NEK9: variants seen among roughly 807,000 people sequenced by gnomAD.
NEK9 encodes NIMA related kinase 9, also known as serine/threonine-protein kinase Nek9.
In NEK9, 75 loss-of-function variants were observed where a neutral mutation model predicts 123.4. The observed-to-expected ratio is 0.61, with a 90% confidence interval of 0.50 to 0.74. NEK9 has a LOEUF of 0.74. Among genes scored for constraint, NEK9 ranks in the 30% least tolerant of loss-of-function variants. NEK9 has a pLI of 0.00. For missense variants in NEK9, 952 were observed against 1,214.4 expected, an observed-to-expected ratio of 0.78 and a Z score of 3.21; for synonymous variants, 438 against 458.7, an observed-to-expected ratio of 0.95 and a Z score of 0.58.
In NEK9 at chr14:75,107,344, A is replaced by G. The variant is rs143529818; in HGVS notation, c.1326T>C (p.Thr442=). The G allele has an allele frequency of 2.9e-4, 462 of 1,611,898 alleles. No homozygotes were observed. The highest frequency in any genetic ancestry group is 5.0e-4 in the Middle Eastern group (3 of 6,056). ...SCGDDFTVCV[T]DEGQLYAFGS... ...AGACACTTTCTGCTGATGGCTTACC[A>G]GTCACACAGACAGTGAAATCATCAC... The change falls in exon 11 of 22, where the codon ACT becomes ACC. Residue 442 remains threonine (T), a splice_region_variant and synonymous_variant. Transcript: ENST00000238616.
chr14:75,084,651 C>T lies in NEK9; in HGVS notation c.2853G>A (p.Lys951=), dbSNP rs1353443001. The T allele has an allele frequency of 3.1e-6, 5 of 1,614,168 alleles. No individual in the cohort carries two copies. Among genetic ancestry groups the T allele is most frequent in the Non-Finnish European group, 4.2e-6 (5 of 1,180,018 alleles). Residue 951 remains lysine, a synonymous_variant, in exon 22 of 22, where the codon AAG becomes AAA. Transcript: ENST00000238616. ...GMHSKGTQTA[K]EEMEMDPKPD... ...GCTTTGGATCCATTTCCATCTCTTC[C>T]TTTGCTGTCTGAGTTCCTTTGGAAT...
intron 8 of NEK9, among the ~76,000 whole-genome samples, chr14:75,113,111 A>G (rs1297722761): frequency 6.6e-6 from 1 of 152,194 alleles, no homozygotes; most frequent in East Asian, 1.9e-4. Flanking sequence ...TGGGTTGGGG[A>G]GTGAAGGGCT....
chr14:75,088,952 G>C (rs1261852565), intron 19 of NEK9, among the ~76,000 whole-genome samples: 1 of 152,356 alleles, frequency 6.6e-6, no homozygotes, highest in Admixed American at 6.5e-5. Context: ...GAGGCTGGCT[G>C]CAACACTGCT....
At chr14:75,120,954 C>G in intron 3 of NEK9, 165 bp downstream of exon 3, 1 of 708,644 alleles carries the variant, frequency 1.4e-6, no homozygotes, top group East Asian at 2.7e-5. Context: ...CAGCTATAGA[C>G]AGCTTCCTTG....
chr14:75,126,685 G>A lies in NEK9; in HGVS notation c.219+18C>T, dbSNP rs1328713429. ...CCCGACAGCGCCAGACAGGGCGGCC[G>A]GCGCCGAGGGCCGCTACCTCGGTGC... On this transcript the variant is annotated intron_variant, in intron 1 of 21. Transcript: ENST00000238616. 2.9e-6 allele frequency: 4 copies of A among 1,395,774 alleles called. No individual in the cohort carries two copies. The highest frequency in any genetic ancestry group is 3.1e-5 in the African/African-American group (2 of 65,384). The allele number at this position is 1,395,774 out of a possible 1,614,324, so 86.5% of individuals were successfully genotyped here.
At chr14:75,103,240 T>A (rs1014674767) in intron 14 of NEK9, among the ~76,000 whole-genome samples, 1 of 151,208 alleles carries the variant, frequency 6.6e-6, no homozygotes, top group Non-Finnish European at 1.5e-5. Flanking sequence ...GTGAATTTGC[T>A]AACATTTTTG....
intron 18 of NEK9, among the ~76,000 whole-genome samples, chr14:75,091,953 G>A (rs1221291845): frequency 1.3e-5 from 2 of 151,998 alleles, no homozygotes; most frequent in Non-Finnish European, 2.9e-5. Flanking sequence ...CCCTGTCCGG[G>A]GAAAATCTGA....
At position 75,124,143 on chromosome 14, in the gene NEK9, A is replaced by T. The variant is rs175449; in HGVS notation, c.300T>A (p.Ile100=). The change falls in exon 2 of 22, where the codon ATT becomes ATA. Residue 100 remains isoleucine, a synonymous_variant. Transcript: ENST00000238616. ...EKERRDALNE[I]VILALLQHDN... ...CGTGCTGCAGCAGTGCCAGAATAAC[A>T]ATCTCATTCAAGGCATCACGACGTT... 802,414 of 1,613,514 alleles carry T rather than the reference A, an allele frequency of 0.5. 204,522 individuals carry two copies. Among genetic ancestry groups the T allele is most frequent in the African/African-American group, 0.56 (41,929 of 74,898 alleles).
chr14:75,088,933 A>T (rs10142626), intron 19 of NEK9, among the ~76,000 whole-genome samples: 69,524 of 152,054 alleles, frequency 0.46, 16,987 homozygotes, highest in East Asian at 0.84. Context: ...GCTCCAAGGA[A>T]GTGTCAGTGA....
Position 75,106,528 on chromosome 14 carries a change from ACTTC to A in NEK9, c.1498_1501del (p.Glu500SerfsTer32). ...ATATTCGCCACAGCCCCAAGAATAGACTTCCTTGTTTCGTGTCAGAACCACCACA... is the reference window on the plus strand; with the variant it reads ...ATATTCGCCACAGCCCCAAGAATAGACTTGTTTCGTGTCAGAACCACCACA... On this transcript the variant is annotated frameshift_variant, in exon 12 of 22. Coordinates refer to ENST00000238616, the MANE Select transcript of NEK9 (RefSeq NM_033116.6). LOFTEE classifies it high-confidence loss of function. The A allele has an allele frequency of 1.2e-6, 2 of 1,614,074 alleles. No individual in the cohort carries two copies. The highest frequency in any genetic ancestry group is 1.7e-6 in the Non-Finnish European group (2 of 1,180,012).
intron 19 of NEK9, among the ~76,000 whole-genome samples, chr14:75,089,601 T>C (rs1894144531): frequency 6.6e-6 from 1 of 152,082 alleles, no homozygotes; most frequent in Non-Finnish European, 1.5e-5. Context: ...AGTGGTGCGA[T>C]CTCGGCTCAC....
chr14:75,086,145 C>T (rs554578498), intron 21 of NEK9, among the ~76,000 whole-genome samples: 5 of 149,784 alleles, frequency 3.3e-5, no homozygotes, highest in South Asian at 2.1e-4. Context: ...GCCGAGATCA[C>T]GCCACTGCAC....
intron 6 of NEK9, among the ~76,000 whole-genome samples, chr14:75,115,054 T>TAC (rs200586316): frequency 9.0e-6 from 1 of 111,624 alleles, no homozygotes. Flanking sequence ...TGTGTACATG[T>TAC]ACACACACGT....
chr14:75,118,920 T>A lies in NEK9; in HGVS notation c.540A>T (p.Leu180Phe). ...GGTTTGCCTTGGTCAGAAAAATATT[T>A]AATGTCTTTATATCTCTGAAAAAAA... is the stretch of plus-strand genomic sequence containing the variant. ...AGILHRDIKT[L>F]NIFLTKANLI... Residue 180 changes from leucine (L) to phenylalanine (F), a missense_variant, in exon 5 of 22, where the codon TTA becomes TTT. By Grantham distance (22) the Leu-to-Phe change is conservative. Transcript: ENST00000238616. The A allele has an allele frequency of 6.4e-7, 1 of 1,562,290 alleles. No homozygotes were observed. Among genetic ancestry groups the A allele is most frequent in the Non-Finnish European group, 8.8e-7 (1 of 1,133,828 alleles).
intron 9 of NEK9, 85 bp from the exon 10 acceptor site, chr14:75,109,962 A>G (rs1003634720): frequency 1.6e-6 from 2 of 1,289,578 alleles, no homozygotes; most frequent in African/African-American, 3.0e-5. Flanking sequence ...CCCTGAGAAG[A>G]ACTGCCAATT....
intron 2 of NEK9, among the ~76,000 whole-genome samples, chr14:75,123,612 T>C (rs1044495781): frequency 3.9e-5 from 6 of 152,164 alleles, no homozygotes; most frequent in Non-Finnish European, 7.3e-5. Flanking sequence ...TTACTATATA[T>C]TACTTTCACT....
chr14:75,104,996 T>A (rs539422033), intron 13 of NEK9, among the ~76,000 whole-genome samples: 2 of 152,338 alleles, frequency 1.3e-5, no homozygotes, highest in Non-Finnish European at 2.9e-5. Flanking sequence ...AGAAATTCAG[T>A]AGCCCTGTGG....
At chr14:75,115,741 A>T (rs1383560896) in intron 6 of NEK9, among the ~76,000 whole-genome samples, 1 of 152,156 alleles carries the variant, frequency 6.6e-6, no homozygotes, top group East Asian at 1.9e-4. Context: ...CATCAGCATC[A>T]CTTGGGAGCT....
At chr14:75,095,212 C>T (rs138805530) in intron 18 of NEK9, among the ~76,000 whole-genome samples, 160 bp downstream of exon 18, 1 of 152,322 alleles carries the variant, frequency 6.6e-6, no homozygotes, top group African/African-American at 2.4e-5. Context: ...TTATAACTTA[C>T]TGCAAAACCA....
Sources: allele counts gnomAD v4.1 joint callset (sites outside exome capture counted in the v4.1 genomes callset), GRCh38; gene constraint gnomAD v4.1.1; transcripts MANE v1.5; gene names NCBI Gene and HGNC (gene_info 2026-07-23, HGNC 2026-07-21).